DOCK1: variants seen among roughly 807,000 people sequenced by gnomAD.
The protein encoded by DOCK1 is dedicator of cytokinesis protein 1.
In DOCK1, 138 loss-of-function variants were observed where a neutral mutation model predicts 262.7. That is an observed-to-expected ratio of 0.53 (90% CI 0.46 to 0.61). DOCK1 has a LOEUF of 0.61. DOCK1 is among the 20% of genes least tolerant of loss of function. DOCK1 has a pLI of 0.00. For synonymous variants in DOCK1, 866 were observed against 867.4 expected (o/e 1.00, Z 0.03); for missense variants, 1,908 against 2,370.7 (o/e 0.80, Z 4.05).
chr10:126,998,530 T>A, intron 8 of DOCK1: 1 of 304,410 alleles, frequency 3.3e-6, no homozygotes, highest in East Asian at 5.2e-5. Flanking sequence ...AGCTGAAGAT[T>A]GAAGTAATAC....
intron 23 of DOCK1, among the ~76,000 whole-genome samples, chr10:127,088,894 G>T (rs1461565116): frequency 6.6e-6 from 1 of 152,068 alleles, no homozygotes; most frequent in African/African-American, 2.4e-5. Flanking sequence ...AGAGTCTAAG[G>T]GGCTTCCTGG....
intron 38 of DOCK1, among the ~76,000 whole-genome samples, chr10:127,391,444 G>A (rs916187690): frequency 6.6e-6 from 1 of 152,188 alleles, no homozygotes; most frequent in Non-Finnish European, 1.5e-5. Context: ...GCAAGACAGA[G>A]TTTTCCGATA....
At chr10:126,951,514 GT>G (rs1414114982) in intron 1 of DOCK1, among the ~76,000 whole-genome samples, 1 of 151,642 alleles carries the variant, frequency 6.6e-6, no homozygotes, top group Non-Finnish European at 1.5e-5. Context: ...TGGTAATGTT[GT>G]TTTTGTTGGT....
intron 29 of DOCK1, among the ~76,000 whole-genome samples, chr10:127,302,749 T>TGTGTGTGG (rs1332395678): frequency 7.2e-6 from 1 of 139,588 alleles, no homozygotes; most frequent in Non-Finnish European, 1.5e-5. Context: ...GGGGTGTGTG[T>TGTGTGTGG]GTGTGTGTGT....
At chr10:127,196,204 C>G (rs1217188930) in intron 27 of DOCK1, 1 of 149,770 alleles carries the variant, frequency 6.7e-6, no homozygotes, top group Non-Finnish European at 1.5e-5. Flanking sequence ...GCTGCCGGCC[C>G]GGCCCTGCTG....
At chr10:126,994,354 G>A (rs559653114) in intron 6 of DOCK1, among the ~76,000 whole-genome samples, 15 of 151,916 alleles carry the variant, frequency 9.9e-5, no homozygotes, top group Non-Finnish European at 1.8e-4. Context: ...ATCATTCTTG[G>A]GTGTTTCTCC....
chr10:126,930,035 T>C (rs1485626526), intron 1 of DOCK1, among the ~76,000 whole-genome samples: 1 of 152,238 alleles, frequency 6.6e-6, no homozygotes, highest in Non-Finnish European at 1.5e-5. Context: ...TTATCTGTCC[T>C]GGTTAGTTCA....
chr10:127,417,582 GTTGT>G (rs1423374151), intron 44 of DOCK1, among the ~76,000 whole-genome samples: 1 of 152,106 alleles, frequency 6.6e-6, no homozygotes, highest in Non-Finnish European at 1.5e-5. Context: ...TCTCTTTGTT[GTTGT>G]TTGTTTGTTT....
In DOCK1 at chr10:127,073,578, T is replaced by C. The variant is rs530715831; in HGVS notation, c.2445+11802T>C. On this transcript the variant is annotated intron_variant, in intron 23 of 51. Transcript: ENST00000623213. ...TATTTCTCTCCATTTGAGGGAAAAG[T>C]GGCTGCCAGTAGCCAGAGGCTTGCA... 1.5e-3 allele frequency among the ~76,000 whole-genome samples: 221 copies of C among 152,276 alleles called. 1 individual carries two copies. The highest frequency in any genetic ancestry group is 5.1e-3 in the African/African-American group (213 of 41,586).
intron 12 of DOCK1, among the ~76,000 whole-genome samples, chr10:127,016,742 C>CACACACACACAA: frequency 6.9e-6 from 1 of 145,576 alleles, no homozygotes; most frequent in South Asian, 2.2e-4. Context: ...ACCACACACA[C>CACACACACACAA]ACACACTAAC....
At chr10:127,313,334 G>A (rs1184952114) in intron 29 of DOCK1, among the ~76,000 whole-genome samples, 1 of 152,174 alleles carries the variant, frequency 6.6e-6, no homozygotes, top group African/African-American at 2.4e-5. Flanking sequence ...ACAAGCTCAC[G>A]AGTAGGCATG....
rs568548191 is a variant in DOCK1, at chr10:127,154,448, T to C, written c.2847+26684T>C. 6.6e-5 allele frequency among the ~76,000 whole-genome samples: 10 copies of C among 152,376 alleles called. No homozygotes were observed. The East Asian group carries it at 1.9e-3, about 29-fold the overall frequency. The stretch of plus-strand genomic sequence containing the variant: ...GAAAGCATATAATATTTGTGACACA[T>C]GGAAATGATCCGAAATTCAAATTTC... On this transcript the variant is annotated intron_variant, in intron 27 of 51. Transcript: ENST00000623213.
chr10:127,328,649 G>T (rs2062846385), intron 29 of DOCK1, among the ~76,000 whole-genome samples: 1 of 152,182 alleles, frequency 6.6e-6, no homozygotes, highest in Non-Finnish European at 1.5e-5. Context: ...GGATGGCAGG[G>T]ATGGCAGGGA....
chr10:126,942,559 T>A (rs905958902), intron 1 of DOCK1, among the ~76,000 whole-genome samples: 80 of 152,266 alleles, frequency 5.3e-4, no homozygotes, highest in African/African-American at 1.9e-3. Flanking sequence ...TGCTCCTTCC[T>A]TCTGATTTGC....
chr10:127,418,584 G>T lies in DOCK1; in HGVS notation c.4692+43G>T, dbSNP rs370614878. 78 of 1,564,070 alleles carry T rather than the reference G, an allele frequency of 5.0e-5. No homozygotes were observed. In the African/African-American group the frequency reaches 1.0e-3, roughly 20 times the overall value. ...TTGCTCTGGGCAAGCAGTCCTGCCCGGGGACAGACTGAAAATTCCCGAGAG... is the reference window on the plus strand; with the variant it reads ...TTGCTCTGGGCAAGCAGTCCTGCCCTGGGACAGACTGAAAATTCCCGAGAG... On this transcript the variant is annotated intron_variant, in intron 45 of 51. Transcript: ENST00000623213.
intron 27 of DOCK1, among the ~76,000 whole-genome samples, chr10:127,241,307 AC>A (rs1310378556): frequency 2.0e-5 from 3 of 152,020 alleles, no homozygotes; most frequent in African/African-American, 7.3e-5. Context: ...AGACAGAGCA[AC>A]CCTCCATCTC....
At chr10:127,434,842 C>T (rs887477064) in intron 48 of DOCK1, among the ~76,000 whole-genome samples, 8 of 151,972 alleles carry the variant, frequency 5.3e-5, no homozygotes, top group Non-Finnish European at 8.8e-5. Flanking sequence ...TTAGTAGAGA[C>T]GGGGTTTCAC....
intron 1 of DOCK1, among the ~76,000 whole-genome samples, chr10:126,909,756 A>G (rs557274969): frequency 6.6e-6 from 1 of 152,354 alleles, no homozygotes; most frequent in East Asian, 1.9e-4. Context: ...TTGGCAGAGA[A>G]TTTAGCCCTG....
At chr10:127,065,493 C>G (rs532386568) in intron 23 of DOCK1, among the ~76,000 whole-genome samples, 2 of 152,284 alleles carry the variant, frequency 1.3e-5, no homozygotes, top group African/African-American at 4.8e-5. Flanking sequence ...GTGGTTCATG[C>G]TGCTGGGAAC....
Sources: gnomAD v4.1 joint callset for allele counts (sites outside exome capture counted in the v4.1 genomes callset) on GRCh38, gnomAD v4.1.1 for gene constraint, MANE v1.5 for transcripts, NCBI Gene and HGNC (gene_info 2026-07-23, HGNC 2026-07-21) for gene names.